LRBA: variants seen among roughly 807,000 people sequenced by gnomAD.
The protein encoded by LRBA is LPS responsive beige-like anchor protein.
A neutral mutation model predicts 330.0 loss-of-function variants in LRBA; 176 were observed. The ratio of observed to expected loss-of-function variants is 0.53; its 90% confidence interval spans 0.47 to 0.60. The LOEUF (loss-of-function observed/expected upper bound fraction) is 0.60. LRBA is among the 20% of genes least tolerant of loss of function. The pLI, the probability that LRBA is intolerant of heterozygous loss-of-function variation, is 0.00. For missense variants in LRBA, 3,259 were observed against 3,444.8 expected, an observed-to-expected ratio of 0.95 and a Z score of 1.35; for synonymous variants, 1,230 against 1,193.0, an observed-to-expected ratio of 1.03 and a Z score of -0.64.
In LRBA at chr4:150,534,417, T is replaced by A. The variant is rs191950136; in HGVS notation, c.6331-43382A>T. On this transcript the variant is annotated intron_variant, in intron 40 of 56. Transcript: ENST00000651943. ...ACACTTTTTAGTACATCATCCAGTA[T>A]TCCTAATATACAAAGCTACCCTCCT... is the stretch of plus-strand genomic sequence containing the variant. 1.2e-3 allele frequency among the ~76,000 whole-genome samples: 178 copies of A among 150,940 alleles called. 1 individual carries two copies. The highest frequency in any genetic ancestry group is 4.2e-3 in the African/African-American group (174 of 41,294).
chr4:150,949,084 A>G (rs1579291963), intron 2 of LRBA, among the ~76,000 whole-genome samples: 1 of 151,926 alleles, frequency 6.6e-6, no homozygotes, highest in African/African-American at 2.4e-5. Context: ...TAGCAAGTGC[A>G]CTCCTGCCAT....
rs762725791 is a variant in LRBA, at chr4:150,905,830, T to C, written c.1755+8A>G. 6.2e-6 allele frequency: 10 copies of C among 1,606,974 alleles called. No homozygotes were observed. The Middle Eastern group carries it at 5.0e-4, about 80-fold the overall frequency. ...GTAAAACAATATCAATATATAGATA[T>C]ATATTACCTTGGCTGGGGTATGAAT... On this transcript the variant is annotated splice_region_variant and intron_variant, in intron 13 of 56. Coordinates refer to ENST00000651943, the MANE Select transcript of LRBA (RefSeq NM_001364905.1).
intron 47 of LRBA, among the ~76,000 whole-genome samples, chr4:150,363,852 G>C (rs1380455788): frequency 6.6e-6 from 1 of 152,108 alleles, no homozygotes; most frequent in Admixed American, 6.5e-5. Context: ...CTATGCTGAG[G>C]GACTAGATCT....
At chr4:150,676,681 T>C (rs1234069950) in intron 37 of LRBA, among the ~76,000 whole-genome samples, 2 of 152,174 alleles carry the variant, frequency 1.3e-5, no homozygotes, top group East Asian at 1.9e-4. Flanking sequence ...TAGACCCATA[T>C]AAAACCATAA....
intron 36 of LRBA, among the ~76,000 whole-genome samples, chr4:150,719,540 G>T (rs542528217): frequency 3.2e-4 from 48 of 151,866 alleles, no homozygotes; most frequent in Middle Eastern, 6.9e-3. Flanking sequence ...ACAATGTAAG[G>T]AATGTACCAT....
intron 49 of LRBA, among the ~76,000 whole-genome samples, chr4:150,323,990 C>T (rs1732899263): frequency 6.6e-6 from 1 of 152,152 alleles, no homozygotes; most frequent in East Asian, 1.9e-4. Context: ...TGCCTTTTCC[C>T]CATGCACATA....
At chr4:150,841,481 CAAGAT>C (rs1195743486) in intron 28 of LRBA, among the ~76,000 whole-genome samples, 2 of 152,028 alleles carry the variant, frequency 1.3e-5, no homozygotes, top group African/African-American at 4.8e-5. Context: ...CAAACTTGAA[CAAGAT>C]AAGGCTTAGA....
At chr4:151,013,759 GACTA>G (rs926411195) in intron 2 of LRBA, 1 of 133,658 alleles carries the variant, frequency 7.5e-6, no homozygotes, top group African/African-American at 2.9e-5. Flanking sequence ...AACTTCCAAT[GACTA>G]ACTATGCTTT....
intron 40 of LRBA, among the ~76,000 whole-genome samples, chr4:150,535,381 TC>T (rs1352305410): frequency 4.6e-5 from 7 of 152,182 alleles, no homozygotes; most frequent in African/African-American, 1.7e-4. Context: ...CAAGTGGTTC[TC>T]CCACTTTGGC....
rs373177180 is a variant in LRBA at position 150,849,405 on chromosome 4, A to G, written c.4158+17T>C. ...TCATGTTTTCACACCAATTTTCTAT[A>G]GTAATTAAGTCCTTACTGTAGCCGA... On this transcript the variant is annotated intron_variant, in intron 25 of 56. Transcript: ENST00000651943. 253 of 1,609,656 alleles carry G rather than the reference A, an allele frequency of 1.6e-4. No homozygotes were observed. The highest frequency in any genetic ancestry group is 8.3e-4 in the Middle Eastern group (5 of 6,038).
chr4:150,841,858 A>G (rs1194354493), intron 28 of LRBA, among the ~76,000 whole-genome samples: 1 of 151,840 alleles, frequency 6.6e-6, no homozygotes, highest in Non-Finnish European at 1.5e-5. Context: ...GGGATTCACC[A>G]TGTTAGCCAG....
At position 150,936,168 on chromosome 4, in the gene LRBA, C is replaced by T. The variant is rs768169558; in HGVS notation, c.217-7103G>A. Among the ~76,000 whole-genome samples the T allele has an allele frequency of 1.1e-4, 16 of 152,098 alleles. No individual in the cohort carries two copies. The South Asian group carries it at 3.1e-3, about 30-fold the overall frequency. On this transcript the variant is annotated intron_variant, in intron 2 of 56. Transcript: ENST00000651943. ...GATTAAACAGATACTTTCATACACT[C>T]CTGTTGAAATATTTCCAGAAAGCAA...
chr4:150,613,615 G>A (rs977405706), intron 37 of LRBA, among the ~76,000 whole-genome samples: 1 of 152,224 alleles, frequency 6.6e-6, no homozygotes, highest in Non-Finnish European at 1.5e-5. Context: ...AAACCTATGT[G>A]TGATTTTTTT....
intron 16 of LRBA, among the ~76,000 whole-genome samples, chr4:150,896,173 T>C (rs967224919): frequency 5.3e-5 from 8 of 152,194 alleles, no homozygotes; most frequent in African/African-American, 1.9e-4. Flanking sequence ...TGAAATCTAA[T>C]GTTAGTACTT....
rs553190012 is a variant in LRBA, at chr4:150,653,323, A to T, written c.5921+30228T>A. Among the ~76,000 whole-genome samples the T allele has an allele frequency of 4.7e-4, 71 of 152,338 alleles. 2 individuals carry two copies. The highest frequency in any genetic ancestry group is 4.2e-3 in the Admixed American group (64 of 15,310). ...AATACTCTGAAGGTAATCCATAAAG[A>T]TTTTGTAATGAGTATCATTATGAAC... On this transcript the variant is annotated intron_variant, in intron 37 of 56. Coordinates refer to ENST00000651943, the MANE Select transcript of LRBA (RefSeq NM_001364905.1).
At chr4:150,460,960 C>T (rs1754702884) in intron 44 of LRBA, among the ~76,000 whole-genome samples, 1 of 151,712 alleles carries the variant, frequency 6.6e-6, no homozygotes, top group Non-Finnish European at 1.5e-5. Flanking sequence ...CAGTCCATGG[C>T]ATATTACAGT....
intron 26 of LRBA, among the ~76,000 whole-genome samples, chr4:150,848,279 A>G (rs1030793801): frequency 6.6e-6 from 1 of 152,082 alleles, no homozygotes; most frequent in African/African-American, 2.4e-5. Context: ...CCTCCCAAAG[A>G]GCTGGGATTA....
chr4:150,727,067 GTTTTTT>G (rs34671398), intron 36 of LRBA, among the ~76,000 whole-genome samples: 1 of 79,500 alleles, frequency 1.3e-5, no homozygotes, highest in Non-Finnish European at 2.1e-5. Flanking sequence ...ACATTTCGTT[GTTTTTT>G]TTTTTTTTTT....
intron 44 of LRBA, among the ~76,000 whole-genome samples, chr4:150,460,308 C>A (rs1754602891): frequency 6.7e-6 from 1 of 148,862 alleles, no homozygotes; most frequent in South Asian, 2.1e-4. Context: ...GTAGGAGATA[C>A]ATGAAGGAGA....
Sources: allele counts gnomAD v4.1 joint callset (sites outside exome capture counted in the v4.1 genomes callset), GRCh38; gene constraint gnomAD v4.1.1; transcripts MANE v1.5; gene names NCBI Gene and HGNC (gene_info 2026-07-23, HGNC 2026-07-21).